The following DYM variants were observed in gnomAD, a reference collection of about 807,000 sequenced individuals.
The protein encoded by DYM is dyggve-Melchior-Clausen syndrome protein.
In DYM, 78 loss-of-function variants were observed where a neutral mutation model predicts 93.1. That is an observed-to-expected ratio of 0.84 (90% CI 0.70 to 1.01). DYM has a LOEUF of 1.01. DYM is among the 50% of genes least tolerant of loss of function. DYM has a pLI of 0.00. For missense variants in DYM, 789 were observed against 845.0 expected, an observed-to-expected ratio of 0.93 and a Z score of 0.82; for synonymous variants, 321 against 319.7, an observed-to-expected ratio of 1.00 and a Z score of -0.04.
chr18:49,285,240 T>G (rs1306444283), intron 9 of DYM, among the ~76,000 whole-genome samples: 1 of 152,206 alleles, frequency 6.6e-6, no homozygotes, highest in African/African-American at 2.4e-5. Flanking sequence ...AATACCAGAA[T>G]TGGCAGAGGC....
chr18:49,454,164 A>C (rs2082766635), intron 1 of DYM, among the ~76,000 whole-genome samples: 1 of 152,270 alleles, frequency 6.6e-6, no homozygotes, highest in African/African-American at 2.4e-5. Flanking sequence ...GGAAGTAGCC[A>C]GAAAGAGTCA....
In DYM at chr18:49,096,505, T is replaced by C. The variant is rs1245839254; in HGVS notation, c.2025+897A>G. On this transcript the variant is annotated intron_variant, in intron 17 of 17. Transcript: ENST00000675505. ...GACAAAACACTATGAAGGCCAAATA[T>C]CCACTATGACCTCCTGTGTTGGTAA... 3.3e-5 allele frequency among the ~76,000 whole-genome samples: 5 copies of C among 152,094 alleles called. No individual in the cohort carries two copies. The East Asian group carries it at 7.7e-4, about 23-fold the overall frequency.
At position 49,402,293 on chromosome 18, in the gene DYM, T is replaced by TG. The variant is rs2070943835; in HGVS notation, c.141-10649dup. Among the ~76,000 whole-genome samples, 7 of 152,112 alleles carry TG rather than the reference T, an allele frequency of 4.6e-5. No individual in the cohort carries two copies. The South Asian group carries it at 1.4e-3, about 31-fold the overall frequency. On this transcript the variant is annotated intron_variant, in intron 2 of 17. Coordinates refer to ENST00000675505, the MANE Select transcript of DYM (RefSeq NM_001353214.3). ...AGTTTGGATTCCATCCTACATCTAA[T>TG]GGGGAGTCATTAAGCACAAAATAAA...
At chr18:49,265,454 G>C (rs1359312327) in intron 11 of DYM, among the ~76,000 whole-genome samples, 2 of 152,202 alleles carry the variant, frequency 1.3e-5, no homozygotes, top group Admixed American at 1.3e-4. Context: ...TTTCAAATAT[G>C]AGAAGGTGAA....
intron 6 of DYM, among the ~76,000 whole-genome samples, chr18:49,358,615 A>C (rs2065766225): frequency 6.6e-6 from 1 of 152,236 alleles, no homozygotes; most frequent in African/African-American, 2.4e-5. Flanking sequence ...AATCAGGGCC[A>C]GACTAAAAAT....
chr18:49,433,195 C>A (rs373301345), intron 1 of DYM, among the ~76,000 whole-genome samples: 8 of 152,238 alleles, frequency 5.3e-5, no homozygotes, highest in African/African-American at 1.4e-4. Context: ...ATAGAACTGA[C>A]GGTTCACTTG....
At chr18:49,310,648 T>C (rs1315461736) in intron 8 of DYM, among the ~76,000 whole-genome samples, 1 of 152,222 alleles carries the variant, frequency 6.6e-6, no homozygotes, top group Non-Finnish European at 1.5e-5. Flanking sequence ...ACAGAGTATA[T>C]ACTCATATCT....
intron 16 of DYM, among the ~76,000 whole-genome samples, chr18:49,103,013 C>T (rs1174537309): frequency 6.6e-6 from 1 of 152,168 alleles, no homozygotes; most frequent in Non-Finnish European, 1.5e-5. Flanking sequence ...AATGGTTGAA[C>T]TAGTTTACAG....
chr18:49,277,529 T>C (rs2094875485), intron 10 of DYM, among the ~76,000 whole-genome samples: 1 of 152,114 alleles, frequency 6.6e-6, no homozygotes, highest in Non-Finnish European at 1.5e-5. Context: ...TGGGACACTA[T>C]TAAGAGGTGG....
At chr18:49,347,757 A>G (rs1283519639) in intron 6 of DYM, among the ~76,000 whole-genome samples, 1 of 152,244 alleles carries the variant, frequency 6.6e-6, no homozygotes, top group Non-Finnish European at 1.5e-5. Flanking sequence ...AATAATCAGG[A>G]AAAAGAGCCA....
In DYM at chr18:49,378,559, A is replaced by G. The variant is rs1367383452; in HGVS notation, c.421+8T>C. On this transcript the variant is annotated splice_region_variant and intron_variant, in intron 5 of 17. Coordinates refer to ENST00000675505, the MANE Select transcript of DYM (RefSeq NM_001353214.3). ...TATATCCAGAACATCTTTAAAAACAATACTTACTGTAATTGCCAGGAGATT... is the reference window on the plus strand; with the variant it reads ...TATATCCAGAACATCTTTAAAAACAGTACTTACTGTAATTGCCAGGAGATT... 5 of 1,605,462 alleles carry G rather than the reference A, an allele frequency of 3.1e-6. No homozygotes were observed. The Admixed American group carries it at 5.0e-5, about 16-fold the overall frequency.
intron 13 of DYM, among the ~76,000 whole-genome samples, chr18:49,216,429 G>A (rs1163604887): frequency 6.6e-6 from 1 of 152,188 alleles, no homozygotes; most frequent in African/African-American, 2.4e-5. Context: ...CTGGAGATCT[G>A]AGAATGGGCA....
chr18:49,437,446 T>C (rs941342982), intron 1 of DYM, among the ~76,000 whole-genome samples: 21 of 152,226 alleles, frequency 1.4e-4, no homozygotes, highest in Non-Finnish European at 2.9e-4. Flanking sequence ...TCTTTTGCTA[T>C]TACAAATCAT....
chr18:49,425,285 C>A (rs561770455), intron 2 of DYM, among the ~76,000 whole-genome samples: 262 of 152,122 alleles, frequency 1.7e-3, no homozygotes, highest in African/African-American at 5.5e-3. Flanking sequence ...CAAAAACAAG[C>A]AATGGGGAAA....
At chr18:49,168,978 A>G (rs1334491630) in intron 14 of DYM, among the ~76,000 whole-genome samples, 3 of 152,208 alleles carry the variant, frequency 2.0e-5, no homozygotes, top group Non-Finnish European at 4.4e-5. Context: ...GAGAAGTGGC[A>G]AGAAATGAAG....
intron 17 of DYM, among the ~76,000 whole-genome samples, chr18:49,050,720 C>T (rs2072323634): frequency 6.6e-6 from 1 of 152,086 alleles, no homozygotes; most frequent in Admixed American, 6.5e-5. Context: ...AATGACCACC[C>T]TATAAAAAAC....
chr18:49,113,909 A>T (rs1020243083), intron 16 of DYM, among the ~76,000 whole-genome samples: 1 of 152,194 alleles, frequency 6.6e-6, no homozygotes, highest in Non-Finnish European at 1.5e-5. Flanking sequence ...GCTCATTTGG[A>T]ATCTTAATTA....
chr18:49,066,316 C>T (rs1418791318), intron 17 of DYM, among the ~76,000 whole-genome samples: 1 of 152,144 alleles, frequency 6.6e-6, no homozygotes, highest in African/African-American at 2.4e-5. Context: ...ACCTGCATTC[C>T]ATAGCCCTCT....
chr18:49,278,696 TGCCTCCC>T (rs2094904097), intron 10 of DYM, among the ~76,000 whole-genome samples: 2 of 152,128 alleles, frequency 1.3e-5, no homozygotes, highest in African/African-American at 4.8e-5. Context: ...GGTGGCCACC[TGCCTCCC>T]CACTTGGAAA....
Sources: gnomAD v4.1 joint callset for allele counts (sites outside exome capture counted in the v4.1 genomes callset) on GRCh38, gnomAD v4.1.1 for gene constraint, MANE v1.5 for transcripts, NCBI Gene and HGNC (gene_info 2026-07-23, HGNC 2026-07-21) for gene names.